Variants in CSGALNACT1 observed in about 807,000 individuals in gnomAD.
CSGALNACT1 encodes the protein chondroitin sulfate N-acetylgalactosaminyltransferase 1, also known as beta4GalNAcT-1.
In CSGALNACT1, 52 loss-of-function variants were observed where a neutral mutation model predicts 51.0. The observed-to-expected ratio is 1.02, with a 90% CI of 0.82 to 1.29. The LOEUF is 1.29. Among genes scored for constraint, CSGALNACT1 ranks in the 50% most tolerant of loss-of-function variants. The pLI, the probability that CSGALNACT1 is intolerant of heterozygous loss-of-function variation, is 0.00. For synonymous variants in CSGALNACT1, 341 were observed against 254.4 expected (o/e 1.34, Z -3.24); for missense variants, 935 against 679.2 (o/e 1.38, Z -4.19).
intron 3 of CSGALNACT1, among the ~76,000 whole-genome samples, chr8:19,579,804 A>G (rs2045154883): frequency 6.6e-6 from 1 of 152,256 alleles, no homozygotes; most frequent in South Asian, 2.1e-4. Flanking sequence ...TAATACTACC[A>G]TATGTATTGC....
At chr8:19,517,623 G>T (rs1409183353) in intron 3 of CSGALNACT1, among the ~76,000 whole-genome samples, 3 of 152,116 alleles carry the variant, frequency 2.0e-5, no homozygotes, top group African/African-American at 4.8e-5. Context: ...CATGGCTGGG[G>T]AGGCCTCACA....
At chr8:19,727,622 G>A (rs2063476626) in intron 1 of CSGALNACT1, among the ~76,000 whole-genome samples, 1 of 152,172 alleles carries the variant, frequency 6.6e-6, no homozygotes, top group East Asian at 1.9e-4. Context: ...AGGGATTATA[G>A]GTGTGAGCCA....
chr8:19,484,823 C>G lies in CSGALNACT1; in HGVS notation c.634+20378G>C, dbSNP rs149451214. 1.1e-3 allele frequency among the ~76,000 whole-genome samples: 174 copies of G among 152,268 alleles called. 1 individual carries two copies. Among genetic ancestry groups the G allele is most frequent in the Middle Eastern group, 3.4e-3 (1 of 294 alleles). On this transcript the variant is annotated intron_variant, in intron 4 of 9. Coordinates refer to ENST00000454498, the Ensembl canonical transcript of CSGALNACT1. ...CTGCTCTGGTGGGTCCTAATCCAAT[C>G]TGACCGGTGTCCTAATAAAAGGAGG...
chr8:19,595,286 T>C lies in CSGALNACT1; in HGVS notation c.-415-4008A>G, dbSNP rs2048656361. Reference sequence around the variant, plus strand: ...GAGTATTAGCTCTTTGAGAACAACATGCTATTTTTCTCATTTCTCTGTGGA... The same window carrying C: ...GAGTATTAGCTCTTTGAGAACAACACGCTATTTTTCTCATTTCTCTGTGGA... On this transcript the variant is annotated intron_variant, in intron 2 of 9. Transcript: ENST00000454498. Among the ~76,000 whole-genome samples the C allele has an allele frequency of 2.6e-5, 4 of 152,282 alleles. No individual in the cohort carries two copies. In the South Asian group the frequency reaches 8.3e-4, roughly 32 times the overall value.
At position 19,423,793 on chromosome 8, in the gene CSGALNACT1, C is replaced by T. The variant is rs539367389; in HGVS notation, c.954-3275G>A. Among the ~76,000 whole-genome samples the T allele has an allele frequency of 4.6e-4, 70 of 152,270 alleles. 1 individual carries two copies. The highest frequency in any genetic ancestry group is 6.8e-3 in the Middle Eastern group (2 of 294). On this transcript the variant is annotated intron_variant, in intron 6 of 9. Coordinates refer to ENST00000454498, the Ensembl canonical transcript of CSGALNACT1. ...ATTTGCTTCCTTTCTCTTCATGCAA[C>T]CTTTCTACAAGGAAAAGACAATGCA... is the stretch of plus-strand genomic sequence containing the variant.
intron 1 of CSGALNACT1, among the ~76,000 whole-genome samples, chr8:19,744,123 A>G (rs910389983): frequency 5.3e-5 from 8 of 152,222 alleles, no homozygotes; most frequent in Non-Finnish European, 1.0e-4. Context: ...GGTGCAATCA[A>G]TGTGCACAAA....
intron 1 of CSGALNACT1, among the ~76,000 whole-genome samples, chr8:19,663,533 C>A (rs2058941985): frequency 6.6e-6 from 1 of 152,194 alleles, no homozygotes; most frequent in Non-Finnish European, 1.5e-5. Flanking sequence ...GCGTAGCATT[C>A]ATGCTTCCAC....
intron 3 of CSGALNACT1, among the ~76,000 whole-genome samples, chr8:19,571,130 C>A (rs2042936628): frequency 6.6e-6 from 1 of 152,060 alleles, no homozygotes; most frequent in Non-Finnish European, 1.5e-5. Flanking sequence ...GTCACCACAC[C>A]TAGCTATTTT....
chr8:19,682,001 G>C (rs1413548150), intron 1 of CSGALNACT1, among the ~76,000 whole-genome samples: 1 of 152,194 alleles, frequency 6.6e-6, no homozygotes. Context: ...TGTCTGCAGA[G>C]GTGTAGACAG....
intron 3 of CSGALNACT1, among the ~76,000 whole-genome samples, chr8:19,544,026 C>G (rs1209892383): frequency 6.6e-6 from 1 of 152,010 alleles, no homozygotes; most frequent in Non-Finnish European, 1.5e-5. Flanking sequence ...CGAAATACAT[C>G]ATAGCCTGAT....
At chr8:19,432,610 A>G (rs2059800482) in intron 6 of CSGALNACT1, among the ~76,000 whole-genome samples, 1 of 151,136 alleles carries the variant, frequency 6.6e-6, no homozygotes, top group African/African-American at 2.4e-5. Flanking sequence ...CATTTTCTTC[A>G]TTCTTTTTTC....
At chr8:19,665,705 T>C (rs1263719144) in intron 1 of CSGALNACT1, among the ~76,000 whole-genome samples, 1 of 152,200 alleles carries the variant, frequency 6.6e-6, no homozygotes, top group South Asian at 2.1e-4. Context: ...CCTAGGAAGA[T>C]GTGGTCTTCT....
chr8:19,551,781 G>A (rs1010023420), intron 3 of CSGALNACT1, among the ~76,000 whole-genome samples: 7 of 152,056 alleles, frequency 4.6e-5, no homozygotes, highest in Non-Finnish European at 7.4e-5. Context: ...CACCCACTAA[G>A]CCTCATGTCA....
At chr8:19,612,249 G>A (rs569147099) in intron 1 of CSGALNACT1, among the ~76,000 whole-genome samples, 253 of 151,936 alleles carry the variant, frequency 1.7e-3, no homozygotes, top group African/African-American at 5.1e-3. Context: ...TGCCTGAGGC[G>A]AGAGAATTGC....
At chr8:19,632,983 G>T (rs1354167968) in intron 1 of CSGALNACT1, among the ~76,000 whole-genome samples, 2 of 149,358 alleles carry the variant, frequency 1.3e-5, no homozygotes, top group East Asian at 3.9e-4. Flanking sequence ...GCTCAGGCTG[G>T]TCTCAAACTC....
chr8:19,751,346 C>G (rs1239369695), intron 1 of CSGALNACT1, among the ~76,000 whole-genome samples: 1 of 152,170 alleles, frequency 6.6e-6, no homozygotes, highest in Non-Finnish European at 1.5e-5. Flanking sequence ...TCACATACCA[C>G]ACTAAGCAGA....
chr8:19,572,882 G>T (rs1450383760), intron 3 of CSGALNACT1, among the ~76,000 whole-genome samples: 1 of 152,154 alleles, frequency 6.6e-6, no homozygotes, highest in East Asian at 1.9e-4. Context: ...TCCGTAATGA[G>T]ATATAATTGA....
chr8:19,561,734 C>T (rs1275439716), intron 3 of CSGALNACT1, among the ~76,000 whole-genome samples: 1 of 152,182 alleles, frequency 6.6e-6, no homozygotes, highest in Admixed American at 6.5e-5. Flanking sequence ...AGCACAAGAA[C>T]AAGCACAAAG....
chr8:19,744,290 T>G (rs1005971209), intron 1 of CSGALNACT1, among the ~76,000 whole-genome samples: 1 of 152,220 alleles, frequency 6.6e-6, no homozygotes, highest in Non-Finnish European at 1.5e-5. Context: ...ATGCATTATT[T>G]AGTCCTGTCC....
Sources: allele counts gnomAD v4.1 joint callset (sites outside exome capture counted in the v4.1 genomes callset), GRCh38; gene constraint gnomAD v4.1.1; transcripts MANE v1.5; gene names NCBI Gene and HGNC (gene_info 2026-07-23, HGNC 2026-07-21).